The following SH3BGR variants were observed in gnomAD, a reference collection of about 807,000 sequenced individuals.
SH3BGR encodes the protein SH3 domain-binding glutamic acid-rich protein.
A neutral mutation model predicts 24.5 loss-of-function variants in SH3BGR; 29 were observed. The observed-to-expected ratio is 1.18, with a 90% CI of 0.88 to 1.61. The LOEUF (loss-of-function observed/expected upper bound fraction) is 1.61, where lower values mean the gene tolerates loss of function less well. SH3BGR is among the 40% of genes most tolerant of loss of function. The probability of loss-of-function intolerance (pLI) is 0.00; values close to 1 mark genes in which losing one functional copy is unlikely to be tolerated. For missense variants in SH3BGR, 162 were observed against 205.8 expected, an observed-to-expected ratio of 0.79 and a Z score of 1.30; for synonymous variants, 55 against 65.7, an observed-to-expected ratio of 0.84 and a Z score of 0.79.
intron 3 of SH3BGR, chr21:39,488,606 A>G (rs2078248631): frequency 7.3e-6 from 2 of 272,490 alleles, no homozygotes; most frequent in Admixed American, 4.1e-5. Context: ...TCCGAGTCCA[A>G]GGATTATATG....
chr21:39,456,755 A>G (rs1291497371), intron 1 of SH3BGR, among the ~76,000 whole-genome samples: 2 of 152,150 alleles, frequency 1.3e-5, no homozygotes, highest in Non-Finnish European at 2.9e-5. Context: ...TTTAAGAGAA[A>G]TTCCATCATT....
chr21:39,509,991 G>T (rs1291712837), intron 5 of SH3BGR, among the ~76,000 whole-genome samples: 2 of 126,720 alleles, frequency 1.6e-5, no homozygotes, highest in Non-Finnish European at 3.3e-5. Flanking sequence ...AGCCCAGGCC[G>T]GATTGCAGTG....
chr21:39,456,988 AT>A (rs1169995546), intron 1 of SH3BGR, among the ~76,000 whole-genome samples: 7 of 150,530 alleles, frequency 4.7e-5, no homozygotes, highest in African/African-American at 1.5e-4. Context: ...TTTATATGTG[AT>A]TTGTATACTT....
Position 39,491,187 on chromosome 21 carries a change from T to A in SH3BGR, c.313-8636T>A, listed in dbSNP as rs903580073. Among the ~76,000 whole-genome samples the A allele has an allele frequency of 6.8e-5, 10 of 147,018 alleles. No homozygotes were observed. In the East Asian group the frequency reaches 2.1e-3, roughly 30 times the overall value. On this transcript the variant is annotated intron_variant, in intron 3 of 6. Transcript: ENST00000333634. ...ATTTATTTATTTATTTATTTTATTT[T>A]TTATTTTTATTTTTAGAGACGGAGT... is the stretch of plus-strand genomic sequence containing the variant.
intron 3 of SH3BGR, among the ~76,000 whole-genome samples, chr21:39,497,997 T>C (rs1383574426): frequency 6.6e-6 from 1 of 152,196 alleles, no homozygotes; most frequent in Non-Finnish European, 1.5e-5. Flanking sequence ...GGAACACCCA[T>C]TGACTGGGAA....
chr21:39,513,030 T>C (rs2078724267), intron 6 of SH3BGR, among the ~76,000 whole-genome samples: 2 of 152,174 alleles, frequency 1.3e-5, no homozygotes, highest in Non-Finnish European at 2.9e-5. Flanking sequence ...GTTTAGTCTT[T>C]TTATCTCCCA....
At chr21:39,486,232 A>C (rs996412587) in intron 3 of SH3BGR, among the ~76,000 whole-genome samples, 1 of 152,242 alleles carries the variant, frequency 6.6e-6, no homozygotes, top group African/African-American at 2.4e-5. Flanking sequence ...CAAAAGTGAA[A>C]GTCTAGAAAG....
chr21:39,497,581 T>C (rs2078419942), intron 3 of SH3BGR, among the ~76,000 whole-genome samples: 1 of 151,900 alleles, frequency 6.6e-6, no homozygotes, highest in African/African-American at 2.4e-5. Context: ...CTCTAAAAAT[T>C]TATAGTAAAG....
intron 3 of SH3BGR, among the ~76,000 whole-genome samples, chr21:39,492,503 A>G (rs1054277324): frequency 2.7e-5 from 4 of 146,634 alleles, no homozygotes; most frequent in East Asian, 2.0e-4. Context: ...CACACACCAC[A>G]TTTTCTTTAT....
At position 39,489,976 on chromosome 21, in the gene SH3BGR, T is replaced by C. The variant is rs1171779611; in HGVS notation, c.313-9847T>C. Among the ~76,000 whole-genome samples, 4 of 152,306 alleles carry C rather than the reference T, an allele frequency of 2.6e-5. No homozygotes were observed. In the East Asian group the frequency reaches 7.7e-4, roughly 29 times the overall value. Reference sequence around the variant, plus strand: ...GAAAGGAGATATAGGAAAATATCCATTACAAGGATTCTGTTCATGGATGAG... The same window carrying C: ...GAAAGGAGATATAGGAAAATATCCACTACAAGGATTCTGTTCATGGATGAG... On this transcript the variant is annotated intron_variant, in intron 3 of 6. Coordinates refer to ENST00000333634, the MANE Select transcript of SH3BGR (RefSeq NM_007341.3).
Position 39,452,049 on chromosome 21 carries a change from T to A in SH3BGR, c.-48T>A. 1 of 1,614,132 alleles carries A rather than the reference T, an allele frequency of 6.2e-7. No homozygotes were observed. The highest frequency in any genetic ancestry group is 8.5e-7 in the Non-Finnish European group (1 of 1,180,006). ...CTGTCAGGATTTGTCTAGCGGCGCA[T>A]TCCCTGACAGGGGTGTGTTGGGGGG... On this transcript the variant is annotated 5_prime_UTR_variant, in exon 1 of 7. Transcript: ENST00000333634.
intron 2 of SH3BGR, among the ~76,000 whole-genome samples, chr21:39,466,904 T>TC (rs761652268): frequency 6.6e-6 from 1 of 152,132 alleles, no homozygotes; most frequent in African/African-American, 2.4e-5. Context: ...AAAGGGATTT[T>TC]TTTTTTGCAA....
intron 1 of SH3BGR, among the ~76,000 whole-genome samples, chr21:39,458,994 T>C (rs2077710623): frequency 6.6e-6 from 1 of 151,916 alleles, no homozygotes; most frequent in African/African-American, 2.4e-5. Context: ...TGCCTCAGTA[T>C]CCTGAGTGTA....
chr21:39,506,188 AACAC>A (rs1368601585), intron 4 of SH3BGR, among the ~76,000 whole-genome samples: 1 of 152,212 alleles, frequency 6.6e-6, no homozygotes, highest in African/African-American at 2.4e-5. Context: ...TATGCCCCCA[AACAC>A]ACAGACTAGT....
chr21:39,479,482 G>A (rs1276601496), intron 3 of SH3BGR, among the ~76,000 whole-genome samples: 3 of 151,996 alleles, frequency 2.0e-5, no homozygotes, highest in Non-Finnish European at 4.4e-5. Context: ...TGGTGGTGGT[G>A]ATGGTAGTGG....
At chr21:39,485,135 C>T (rs1310742183) in intron 3 of SH3BGR, among the ~76,000 whole-genome samples, 2 of 152,120 alleles carry the variant, frequency 1.3e-5, no homozygotes, top group Non-Finnish European at 2.9e-5. Flanking sequence ...AACCTTAGTT[C>T]TTTAAAAGCA....
At chr21:39,456,588 A>C (rs778215181) in intron 1 of SH3BGR, among the ~76,000 whole-genome samples, 5 of 151,756 alleles carry the variant, frequency 3.3e-5, no homozygotes, top group Non-Finnish European at 4.4e-5. Context: ...AGCAGTTTCC[A>C]TGCGGGGTAG....
At chr21:39,509,278 C>T (rs1174975192) in intron 5 of SH3BGR, among the ~76,000 whole-genome samples, 1 of 152,110 alleles carries the variant, frequency 6.6e-6, no homozygotes, top group Non-Finnish European at 1.5e-5. Context: ...AAGGTGTCTT[C>T]CGTGGTTTCT....
chr21:39,477,424 C>T (rs1206138458), intron 3 of SH3BGR, among the ~76,000 whole-genome samples: 3 of 152,190 alleles, frequency 2.0e-5, no homozygotes, highest in Non-Finnish European at 4.4e-5. Context: ...GTGTGAGCCA[C>T]TGTGTCCAGC....
Sources: allele counts gnomAD v4.1 joint callset (sites outside exome capture counted in the v4.1 genomes callset), GRCh38; gene constraint gnomAD v4.1.1; transcripts MANE v1.5; gene names NCBI Gene and HGNC (gene_info 2026-07-23, HGNC 2026-07-21).